CYP19A1: variants seen among roughly 807,000 people sequenced by gnomAD.
CYP19A1 encodes the protein aromatase.
In CYP19A1, 32 loss-of-function variants were observed where a neutral mutation model predicts 44.4. The ratio of observed to expected loss-of-function variants is 0.72; its 90% CI spans 0.54 to 0.97. The LOEUF is 0.97. Among genes scored for constraint, CYP19A1 ranks in the 50% least tolerant of loss-of-function variants. CYP19A1 has a pLI of 0.00. For synonymous variants in CYP19A1, 212 were observed against 215.6 expected (o/e 0.98, Z 0.14); for missense variants, 598 against 637.8 (o/e 0.94, Z 0.67).
chr15:51,270,312 G>A (rs973982378), intron 1 of CYP19A1, among the ~76,000 whole-genome samples: 5 of 152,110 alleles, frequency 3.3e-5, no homozygotes, highest in African/African-American at 1.2e-4. Context: ...AAACCTTGCT[G>A]AATTCATTAC....
chr15:51,306,710 A>G (rs988941207), intron 1 of CYP19A1, among the ~76,000 whole-genome samples: 7 of 152,258 alleles, frequency 4.6e-5, no homozygotes, highest in African/African-American at 1.4e-4. Flanking sequence ...GATGATGTCT[A>G]TAACACAGAA....
intron 1 of CYP19A1, among the ~76,000 whole-genome samples, chr15:51,272,428 A>G (rs2035161555): frequency 6.6e-6 from 1 of 152,198 alleles, no homozygotes; most frequent in Non-Finnish European, 1.5e-5. Flanking sequence ...GCAATAAAAT[A>G]TACATTTTAT....
At chr15:51,299,943 C>T (rs72729203) in intron 1 of CYP19A1, among the ~76,000 whole-genome samples, 13 of 152,318 alleles carry the variant, frequency 8.5e-5, no homozygotes, top group Non-Finnish European at 1.3e-4. Flanking sequence ...GGTAGGATTT[C>T]ACTGGGCAGA....
At chr15:51,238,811 GATCAATTGTAT>G (rs1157306060) in intron 2 of CYP19A1, among the ~76,000 whole-genome samples, 1 of 152,150 alleles carries the variant, frequency 6.6e-6, no homozygotes, top group Non-Finnish European at 1.5e-5. Context: ...AGTCCCTAGC[GATCAATTGTAT>G]ATCAGCTTAA....
chr15:51,287,549 G>C (rs894353118), intron 1 of CYP19A1, among the ~76,000 whole-genome samples: 2 of 152,188 alleles, frequency 1.3e-5, no homozygotes, highest in Non-Finnish European at 2.9e-5. Context: ...TATCGCTGCT[G>C]TGCAGAAGGC....
chr15:51,331,558 G>T (rs1411131271), intron 1 of CYP19A1, among the ~76,000 whole-genome samples: 2 of 152,126 alleles, frequency 1.3e-5, no homozygotes, highest in Non-Finnish European at 2.9e-5. Flanking sequence ...CTTTGCAAGA[G>T]CATATGTATT....
At position 51,255,741 on chromosome 15, in the gene CYP19A1, C is replaced by G. The variant is rs1062033; in HGVS notation, c.-38-12791G>C. 0.35 allele frequency: 53,339 copies of G among 152,172 alleles called. 10,911 individuals carry two copies. Among genetic ancestry groups the G allele is most frequent in the Non-Finnish European group, 0.46 (31,099 of 68,012 alleles). 9.4% of individuals were successfully genotyped at this position (152,172 alleles called of 1,614,324 possible). ...ATCAGCAGGTGGGGCAGGCGGGGAA[C>G]TCAGGGAGCTTTTCCACATGCTAGG... is the stretch of plus-strand genomic sequence containing the variant. On this transcript the variant is annotated intron_variant, in intron 1 of 9. Transcript: ENST00000396402.
chr15:51,280,502 T>C (rs1198779356), intron 1 of CYP19A1, among the ~76,000 whole-genome samples: 2 of 152,198 alleles, frequency 1.3e-5, no homozygotes, highest in Non-Finnish European at 1.5e-5. Flanking sequence ...ACTCTTAGCT[T>C]TGACCTCTAG....
intron 1 of CYP19A1, among the ~76,000 whole-genome samples, chr15:51,326,527 T>C (rs1185678003): frequency 6.6e-6 from 1 of 152,212 alleles, no homozygotes; most frequent in Non-Finnish European, 1.5e-5. Context: ...ATCTAGACTT[T>C]CAATTTTCTT....
chr15:51,260,619 G>A (rs770658673), intron 1 of CYP19A1, among the ~76,000 whole-genome samples: 1 of 152,174 alleles, frequency 6.6e-6, no homozygotes, highest in Non-Finnish European at 1.5e-5. Context: ...TTCCTAGGCC[G>A]ACTAAGAATT....
At chr15:51,313,642 CA>C (rs1454412123) in intron 1 of CYP19A1, among the ~76,000 whole-genome samples, 1 of 152,008 alleles carries the variant, frequency 6.6e-6, no homozygotes, top group Non-Finnish European at 1.5e-5. Flanking sequence ...ACTAAAAATA[CA>C]AAAATTAGCT....
chr15:51,256,077 G>C (rs963593770), intron 1 of CYP19A1, among the ~76,000 whole-genome samples: 2 of 152,210 alleles, frequency 1.3e-5, no homozygotes, highest in Non-Finnish European at 2.9e-5. Context: ...TGCTTAATGG[G>C]CAAGGCAGAG....
chr15:51,232,411 G>A (rs754437133), intron 3 of CYP19A1, among the ~76,000 whole-genome samples: 2 of 152,018 alleles, frequency 1.3e-5, no homozygotes, highest in Non-Finnish European at 2.9e-5. Context: ...TCTCTTCTCG[G>A]TCTAGCTGCT....
At chr15:51,221,684 G>A (rs1412209550) in intron 5 of CYP19A1, 1 of 152,288 alleles carries the variant, frequency 6.6e-6, no homozygotes, top group Non-Finnish European at 1.5e-5. Flanking sequence ...TTTGACATGA[G>A]CATGCACATG....
At chr15:51,292,579 T>C (rs2035871608) in intron 1 of CYP19A1, among the ~76,000 whole-genome samples, 1 of 152,224 alleles carries the variant, frequency 6.6e-6, no homozygotes, top group South Asian at 2.1e-4. Flanking sequence ...GCCTTTGAAT[T>C]GGGAAGGCAG....
intron 8 of CYP19A1, among the ~76,000 whole-genome samples, chr15:51,213,671 G>A (rs1182135269): frequency 1.3e-5 from 2 of 152,160 alleles, no homozygotes; most frequent in Admixed American, 1.3e-4. Context: ...TCTTTGCAGA[G>A]GCCTTTTGAA....
chr15:51,243,005 T>C, intron 1 of CYP19A1, 55 bp from the exon 2 acceptor site: 2 of 869,692 alleles, frequency 2.3e-6, no homozygotes, highest in South Asian at 1.3e-5. Context: ...GGTTCATCTA[T>C]AGCTCCTGTT....
At chr15:51,230,305 C>G (rs1343789786) in intron 3 of CYP19A1, among the ~76,000 whole-genome samples, 1 of 152,188 alleles carries the variant, frequency 6.6e-6, no homozygotes, top group East Asian at 1.9e-4. Context: ...AAGTGTTATA[C>G]TGATTATTTG....
chr15:51,275,041 G>A (rs555468846), intron 1 of CYP19A1, among the ~76,000 whole-genome samples: 6 of 152,288 alleles, frequency 3.9e-5, no homozygotes, highest in Admixed American at 2.0e-4. Context: ...TTTGGCTTCC[G>A]CTCCGCTTGT....
Sources: allele counts gnomAD v4.1 joint callset (sites outside exome capture counted in the v4.1 genomes callset), GRCh38; gene constraint gnomAD v4.1.1; transcripts MANE v1.5; gene names NCBI Gene and HGNC (gene_info 2026-07-23, HGNC 2026-07-21).